NFAT5: variants seen among roughly 807,000 people sequenced by gnomAD.
NFAT5 encodes the protein nuclear factor of activated T-cells 5.
A neutral mutation model predicts 166.5 loss-of-function variants in NFAT5; 31 were observed. The ratio of observed to expected loss-of-function variants is 0.19; its 90% confidence interval spans 0.14 to 0.25. The LOEUF is 0.25. Ranked by LOEUF, NFAT5 falls within the 10% of genes least tolerant of loss-of-function variation. NFAT5 has a pLI of 1.00. For synonymous variants in NFAT5, 612 were observed against 639.7 expected, an observed-to-expected ratio of 0.96 and a Z score of 0.65; for missense variants, 1,449 against 1,821.8, an observed-to-expected ratio of 0.80 and a Z score of 3.72.
At chr16:69,630,996 CTTG>C (rs1165067055) in intron 3 of NFAT5, among the ~76,000 whole-genome samples, 8 of 152,160 alleles carry the variant, frequency 5.3e-5, no homozygotes, top group African/African-American at 1.9e-4. Flanking sequence ...AAGTTACTTT[CTTG>C]TTCTATTCTA....
At chr16:69,614,391 C>G (rs1356977357) in intron 2 of NFAT5, among the ~76,000 whole-genome samples, 3 of 152,162 alleles carry the variant, frequency 2.0e-5, no homozygotes, top group Admixed American at 1.3e-4. Context: ...CTGATAGATT[C>G]ATTTCTTTGC....
chr16:69,605,745 C>T (rs892178484), intron 2 of NFAT5, among the ~76,000 whole-genome samples: 21 of 150,830 alleles, frequency 1.4e-4, no homozygotes, highest in African/African-American at 4.6e-4. Flanking sequence ...CTCGTTCTGT[C>T]GCCCAGGCAG....
At chr16:69,635,958 C>T (rs964446321) in intron 3 of NFAT5, among the ~76,000 whole-genome samples, 1 of 152,136 alleles carries the variant, frequency 6.6e-6, no homozygotes, top group Non-Finnish European at 1.5e-5. Flanking sequence ...CAAAAGTCTA[C>T]CAGTCCAAAG....
chr16:69,588,031 C>CT (rs1413061404), intron 2 of NFAT5, among the ~76,000 whole-genome samples: 2 of 137,792 alleles, frequency 1.5e-5, no homozygotes, highest in Non-Finnish European at 3.0e-5. Flanking sequence ...CGGCTTACTG[C>CT]AACCTCTGCC....
chr16:69,637,885 T>A (rs182989847), intron 3 of NFAT5, among the ~76,000 whole-genome samples: 7 of 152,350 alleles, frequency 4.6e-5, no homozygotes, highest in Admixed American at 2.6e-4. Context: ...TTAATAGTAT[T>A]TTTTTAATGA....
intron 2 of NFAT5, among the ~76,000 whole-genome samples, chr16:69,587,385 T>A (rs2032144060): frequency 6.6e-6 from 1 of 150,880 alleles, no homozygotes; most frequent in Admixed American, 6.6e-5. Context: ...CTATTTTTCT[T>A]CAATTTCTCT....
In NFAT5 at chr16:69,649,279, A is replaced by G. The variant is rs1027758438; in HGVS notation, c.812+1693A>G. ...CTTTAGTGGAGAAAGTCTTTAATAT[A>G]AAGTTCCAGAAGATAAATTTTCATT... On this transcript the variant is annotated intron_variant, in intron 4 of 14. Transcript: ENST00000349945. The G allele has an allele frequency of 1.2e-5, 11 of 956,158 alleles. No homozygotes were observed. The African/African-American group carries it at 1.9e-4, about 17-fold the overall frequency. 59.2% of individuals were successfully genotyped at this position (956,158 alleles called of 1,614,324 possible).
In NFAT5 at chr16:69,596,632, C is replaced by T. The variant is rs555231592; in HGVS notation, c.127+28084C>T. 2.6e-4 allele frequency among the ~76,000 whole-genome samples: 39 copies of T among 151,260 alleles called. No homozygotes were observed. The South Asian group carries it at 6.7e-3, about 26-fold the overall frequency. ...ACTCAGGAGGCTGACGCAGGAGAAT[C>T]GCTTGAACCCGGGAGGCAGAGGTTG... On this transcript the variant is annotated intron_variant, in intron 2 of 14. Coordinates refer to ENST00000349945, the MANE Select transcript of NFAT5 (RefSeq NM_138713.4).
intron 2 of NFAT5, among the ~76,000 whole-genome samples, chr16:69,571,713 GGA>G (rs2016450831): frequency 6.6e-6 from 1 of 151,232 alleles, no homozygotes; most frequent in African/African-American, 2.4e-5. Context: ...TTTTTTGGGG[GGA>G]AACAAGGTTG....
chr16:69,607,191 A>G (rs1307410762), intron 2 of NFAT5, among the ~76,000 whole-genome samples: 1 of 152,220 alleles, frequency 6.6e-6, no homozygotes, highest in Non-Finnish European at 1.5e-5. Flanking sequence ...CCAAGGTCAC[A>G]CAAAAAATAA....
chr16:69,622,094 A>G (rs2034227232), intron 2 of NFAT5, among the ~76,000 whole-genome samples: 2 of 152,374 alleles, frequency 1.3e-5, no homozygotes, highest in South Asian at 4.1e-4. Flanking sequence ...TATTAATAGC[A>G]TAATTTATAT....
intron 2 of NFAT5, among the ~76,000 whole-genome samples, chr16:69,573,194 T>C (rs907387824): frequency 1.4e-4 from 21 of 152,144 alleles, no homozygotes; most frequent in African/African-American, 4.8e-4. Context: ...TAAAAGAAAA[T>C]GTGAAATATG....
chr16:69,574,893 A>T (rs1311574971), intron 2 of NFAT5, among the ~76,000 whole-genome samples: 1 of 151,900 alleles, frequency 6.6e-6, no homozygotes, highest in Non-Finnish European at 1.5e-5. Context: ...GATGGTCTCG[A>T]ACTCCTGACC....
chr16:69,591,851 G>A (rs1031852360), intron 2 of NFAT5, among the ~76,000 whole-genome samples: 1 of 151,956 alleles, frequency 6.6e-6, no homozygotes, highest in African/African-American at 2.4e-5. Flanking sequence ...TTCCTACACA[G>A]CCCAGGAGTT....
At chr16:69,649,792 A>G (rs2035591653) in intron 4 of NFAT5, among the ~76,000 whole-genome samples, 1 of 152,010 alleles carries the variant, frequency 6.6e-6, no homozygotes, top group Non-Finnish European at 1.5e-5. Context: ...CCTTAGATCT[A>G]ATGTGCCATA....
At chr16:69,589,498 CAG>C (rs2032325997) in intron 2 of NFAT5, among the ~76,000 whole-genome samples, 1 of 152,112 alleles carries the variant, frequency 6.6e-6, no homozygotes, top group Non-Finnish European at 1.5e-5. Flanking sequence ...AACCTCAACT[CAG>C]AAACTCAAAG....
intron 9 of NFAT5, among the ~76,000 whole-genome samples, chr16:69,673,238 T>A (rs761254980): frequency 1.3e-5 from 2 of 152,196 alleles, no homozygotes; most frequent in Non-Finnish European, 2.9e-5. Flanking sequence ...AATCATAATA[T>A]AATCTGTCAT....
intron 2 of NFAT5, among the ~76,000 whole-genome samples, chr16:69,583,084 C>T (rs2142936462): frequency 6.6e-6 from 1 of 151,126 alleles, no homozygotes; most frequent in Admixed American, 6.6e-5. Flanking sequence ...CTTTTTTAAT[C>T]ATTGTTTTTT....
chr16:69,673,970 G>A (rs1049979170), intron 9 of NFAT5, among the ~76,000 whole-genome samples: 13 of 151,832 alleles, frequency 8.6e-5, no homozygotes, highest in African/African-American at 3.1e-4. Flanking sequence ...ATTGCCAGGC[G>A]TGTGGCTCAT....
Sources: allele counts gnomAD v4.1 joint callset (sites outside exome capture counted in the v4.1 genomes callset), GRCh38; gene constraint gnomAD v4.1.1; transcripts MANE v1.5; gene names NCBI Gene and HGNC (gene_info 2026-07-23, HGNC 2026-07-21).